SLC39A11: variants seen among roughly 807,000 people sequenced by gnomAD.
SLC39A11 encodes solute carrier family 39 member 11.
Under a neutral mutation model 36.1 loss-of-function variants are expected in SLC39A11, and 33 were observed. The observed-to-expected ratio is 0.91, with a 90% CI of 0.69 to 1.22. The LOEUF (loss-of-function observed/expected upper bound fraction) is 1.22, where lower values mean the gene tolerates loss of function less well. Among genes scored for constraint, SLC39A11 ranks in the 50% most tolerant of loss-of-function variants. SLC39A11 has a pLI of 0.00. For synonymous variants in SLC39A11, 166 were observed against 170.3 expected (o/e 0.97, Z 0.20); for missense variants, 432 against 430.3 (o/e 1.00, Z -0.03).
At chr17:73,073,613 G>C (rs1235765475) in intron 3 of SLC39A11, 1 of 152,128 alleles carries the variant, frequency 6.6e-6, no homozygotes, top group Non-Finnish European at 1.5e-5. Context: ...GGAGGCCCTG[G>C]GGCTCCCCAA....
rs143410414 is a variant in SLC39A11, at chr17:72,789,751, G to C, written c.602-53032C>G. ...TATTATATAGAACCTCGTTCCCTGGGGCGGATGAAATCCAGGCATCAATAT... is the reference window on the plus strand; with the variant it reads ...TATTATATAGAACCTCGTTCCCTGGCGCGGATGAAATCCAGGCATCAATAT... On this transcript the variant is annotated intron_variant, in intron 6 of 9. Coordinates refer to ENST00000255559, the MANE Select transcript of SLC39A11 (RefSeq NM_139177.4). Among the ~76,000 whole-genome samples, 263 of 152,284 alleles carry C rather than the reference G, an allele frequency of 1.7e-3. 3 individuals are homozygous for C. The highest frequency in any genetic ancestry group is 6.8e-3 in the Middle Eastern group (2 of 294).
At chr17:72,923,091 T>A (rs1381554244) in intron 5 of SLC39A11, among the ~76,000 whole-genome samples, 2 of 151,944 alleles carry the variant, frequency 1.3e-5, no homozygotes, top group Non-Finnish European at 2.9e-5. Context: ...CTCTTTCTTG[T>A]CATTTTCTAT....
chr17:72,778,018 C>G (rs971213174), intron 6 of SLC39A11, among the ~76,000 whole-genome samples: 1 of 152,124 alleles, frequency 6.6e-6, no homozygotes, highest in African/African-American at 2.4e-5. Context: ...GATTCTTCTG[C>G]CTCAGCCTCC....
chr17:72,736,344 G>T (rs1300599110), intron 7 of SLC39A11, among the ~76,000 whole-genome samples: 1 of 152,170 alleles, frequency 6.6e-6, no homozygotes, highest in East Asian at 1.9e-4. Flanking sequence ...GTCAGCGGCT[G>T]CCTTTGTTTT....
At chr17:72,703,399 TAGG>T (rs1179351134) in intron 7 of SLC39A11, among the ~76,000 whole-genome samples, 3 of 151,744 alleles carry the variant, frequency 2.0e-5, no homozygotes, top group Admixed American at 6.6e-5. Flanking sequence ...TGGGGAGAAA[TAGG>T]AGAACTATTA....
chr17:72,951,403 A>G (rs2085856780), intron 4 of SLC39A11, among the ~76,000 whole-genome samples: 1 of 152,106 alleles, frequency 6.6e-6, no homozygotes, highest in South Asian at 2.1e-4. Context: ...TACTGTAAAG[A>G]GAAGAATTTC....
chr17:72,982,941 C>T (rs1245430306), intron 4 of SLC39A11, among the ~76,000 whole-genome samples: 1 of 152,092 alleles, frequency 6.6e-6, no homozygotes, highest in African/African-American at 2.4e-5. Flanking sequence ...TGTCTATTAT[C>T]CATGCATCTC....
At chr17:72,650,289 C>T (rs925256402) in intron 7 of SLC39A11, among the ~76,000 whole-genome samples, 7 of 152,208 alleles carry the variant, frequency 4.6e-5, no homozygotes. Context: ...GCTTTCTGCA[C>T]AAACCAGGCA....
chr17:72,852,215 A>AAAAAAAAAAAAC (rs2079379085), intron 5 of SLC39A11, among the ~76,000 whole-genome samples: 1 of 148,308 alleles, frequency 6.7e-6, no homozygotes, highest in African/African-American at 2.4e-5. Flanking sequence ...AAAAAAAAAA[A>AAAAAAAAAAAAC]AAAAAAAAAA....
chr17:72,763,963 A>G (rs546629815), intron 6 of SLC39A11, among the ~76,000 whole-genome samples: 82 of 152,102 alleles, frequency 5.4e-4, no homozygotes, highest in Non-Finnish European at 9.1e-4. Flanking sequence ...GGATCTTTGC[A>G]TCTATGGCTT....
At chr17:72,857,738 G>A (rs1015711453) in intron 5 of SLC39A11, among the ~76,000 whole-genome samples, 5 of 152,050 alleles carry the variant, frequency 3.3e-5, no homozygotes, top group Admixed American at 2.6e-4. Context: ...AATGATCAGT[G>A]GTGTTGAGAT....
At chr17:72,765,565 C>T (rs2075730877) in intron 6 of SLC39A11, among the ~76,000 whole-genome samples, 1 of 152,168 alleles carries the variant, frequency 6.6e-6, no homozygotes, top group Non-Finnish European at 1.5e-5. Context: ...TCATCTATGG[C>T]TATAAATCTG....
At chr17:73,084,647 T>C (rs529931314) in intron 3 of SLC39A11, among the ~76,000 whole-genome samples, 161 bp downstream of exon 3, 2 of 152,190 alleles carry the variant, frequency 1.3e-5, no homozygotes, top group African/African-American at 4.8e-5. Context: ...TTTGATAAGC[T>C]GGGAAATAAA....
intron 7 of SLC39A11, among the ~76,000 whole-genome samples, chr17:72,657,344 A>G (rs1481335945): frequency 6.6e-6 from 1 of 152,194 alleles, no homozygotes; most frequent in Non-Finnish European, 1.5e-5. Flanking sequence ...TGGGCAACAG[A>G]GTGAGATTCT....
intron 9 of SLC39A11, among the ~76,000 whole-genome samples, chr17:72,648,146 A>G (rs1216476857): frequency 6.6e-6 from 1 of 152,010 alleles, no homozygotes; most frequent in Non-Finnish European, 1.5e-5. Context: ...CCTGGCTAAC[A>G]TGGCGAAACC....
At chr17:72,758,642 C>T (rs937503043) in intron 6 of SLC39A11, among the ~76,000 whole-genome samples, 1 of 152,224 alleles carries the variant, frequency 6.6e-6, no homozygotes, top group East Asian at 1.9e-4. Context: ...GGGTGGGATG[C>T]TTGGAACCAT....
At chr17:72,751,289 T>C (rs552283699) in intron 6 of SLC39A11, among the ~76,000 whole-genome samples, 1 of 152,154 alleles carries the variant, frequency 6.6e-6, no homozygotes, top group Non-Finnish European at 1.5e-5. Flanking sequence ...TGCTAACATA[T>C]GATTATATAA....
chr17:73,092,574 C>T (rs912976021), intron 1 of SLC39A11, 37 bp downstream of exon 1: 13 of 152,864 alleles, frequency 8.5e-5, no homozygotes, highest in African/African-American at 2.9e-4. Context: ...GCCTCGAGCC[C>T]AACCAAAGGC....
chr17:72,998,184 T>A (rs1004892668), intron 4 of SLC39A11, among the ~76,000 whole-genome samples: 1 of 151,974 alleles, frequency 6.6e-6, no homozygotes, highest in African/African-American at 2.4e-5. Flanking sequence ...ATTTGAGGCA[T>A]CCACTGGAGG....
Sources: gnomAD v4.1 joint callset for allele counts (sites outside exome capture counted in the v4.1 genomes callset) on GRCh38, gnomAD v4.1.1 for gene constraint, MANE v1.5 for transcripts, NCBI Gene and HGNC (gene_info 2026-07-23, HGNC 2026-07-21) for gene names.